The following RAI14 variants were observed in gnomAD, a reference collection of about 807,000 sequenced individuals.
RAI14 encodes the protein ankycorbin.
RAI14 carries 45 observed loss-of-function variants against 115.4 expected under a neutral mutation model. That is an observed-to-expected ratio of 0.39 (90% confidence interval 0.31 to 0.50). RAI14 has a LOEUF of 0.50. Ranked by LOEUF, RAI14 falls within the 20% of genes least tolerant of loss-of-function variation. The pLI is 0.85. For synonymous variants in RAI14, 371 were observed against 415.4 expected (o/e 0.89, Z 1.30); for missense variants, 939 against 1,131.2 (o/e 0.83, Z 2.44).
At chr5:34,737,589 C>A (rs541275383) in intron 2 of RAI14, among the ~76,000 whole-genome samples, 23 of 146,502 alleles carry the variant, frequency 1.6e-4, no homozygotes, top group African/African-American at 1.3e-4. Flanking sequence ...CTCATCTCTA[C>A]AAAAAAAAAA....
intron 2 of RAI14, among the ~76,000 whole-genome samples, chr5:34,713,165 T>G (rs1440653569): frequency 6.6e-6 from 1 of 152,170 alleles, no homozygotes; most frequent in East Asian, 1.9e-4. Context: ...CAACCTTCAT[T>G]CAGTCCCTGT....
At chr5:34,783,358 C>T (rs373606930) in intron 3 of RAI14, among the ~76,000 whole-genome samples, 12 of 152,266 alleles carry the variant, frequency 7.9e-5, no homozygotes, top group African/African-American at 2.2e-4. Flanking sequence ...GGGGGGTCCT[C>T]GGGATCCTCC....
intron 14 of RAI14, 130 bp from the exon 15 acceptor site, chr5:34,822,826 G>C (rs1253879121): frequency 1.3e-6 from 1 of 741,154 alleles, no homozygotes; most frequent in Non-Finnish European, 2.1e-6. Context: ...TGGGATCACA[G>C]GCGCCCGCCA....
At chr5:34,775,776 TG>T (rs916374573) in intron 3 of RAI14, among the ~76,000 whole-genome samples, 3 of 152,150 alleles carry the variant, frequency 2.0e-5, no homozygotes, top group African/African-American at 7.2e-5. Context: ...TAACAAATGT[TG>T]GCAAGGATAT....
intron 2 of RAI14, chr5:34,687,590 G>T: frequency 6.6e-7 from 1 of 1,510,172 alleles, no homozygotes; most frequent in Non-Finnish European, 8.9e-7. Context: ...GGTTGTACAC[G>T]ATAATATTTT....
intron 3 of RAI14, among the ~76,000 whole-genome samples, chr5:34,769,762 G>A (rs937344357): frequency 6.6e-6 from 1 of 152,204 alleles, no homozygotes; most frequent in African/African-American, 2.4e-5. Flanking sequence ...GACTCACTCG[G>A]TAGCCCAGGC....
At chr5:34,662,130 T>C (rs1211107147) in intron 1 of RAI14, among the ~76,000 whole-genome samples, 1 of 152,212 alleles carries the variant, frequency 6.6e-6, no homozygotes, top group Admixed American at 6.5e-5. Flanking sequence ...TTTGTTGGAT[T>C]GTTGCAGAGT....
intron 2 of RAI14, among the ~76,000 whole-genome samples, chr5:34,740,861 T>C (rs1474724512): frequency 6.6e-6 from 1 of 152,248 alleles, no homozygotes; most frequent in Non-Finnish European, 1.5e-5. Context: ...GTAGGAAGGC[T>C]ATAACAAATA....
At chr5:34,687,430 T>C in intron 2 of RAI14, 1 of 619,792 alleles carries the variant, frequency 1.6e-6, no homozygotes, top group South Asian at 4.2e-5. Context: ...CTGCTGCCCG[T>C]ACCTTTCCTC....
chr5:34,812,764 G>A (rs1755755663), intron 10 of RAI14, among the ~76,000 whole-genome samples: 1 of 152,160 alleles, frequency 6.6e-6, no homozygotes, highest in African/African-American at 2.4e-5. Flanking sequence ...TTTCTGAAAT[G>A]TACTAACTCA....
At position 34,665,105 on chromosome 5, in the gene RAI14, GTATATATA is replaced by G. The variant is rs200984829; in HGVS notation, c.-49+8632_-49+8639del. Among the ~76,000 whole-genome samples the G allele has an allele frequency of 5.8e-3, 197 of 33,856 alleles. 58 individuals carry two copies. The highest frequency in any genetic ancestry group is 0.016 in the African/African-American group (156 of 9,972). The allele number at this position is 33,856 out of a possible 152,430, so 22.2% of individuals were successfully genotyped here. A position where few individuals can be genotyped will look rare whatever the true frequency, so the allele number is the denominator to read the frequency against. ...TGTATATATATGTGTATATATATGT[GTATATATA>G]TGTGTATATATGTATGTGTATATAT... On this transcript the variant is annotated intron_variant, in intron 1 of 17. Coordinates refer to ENST00000265109, the MANE Select transcript of RAI14 (RefSeq NM_015577.3).
chr5:34,756,951 A>G (rs911106165), intron 2 of RAI14, among the ~76,000 whole-genome samples: 3 of 152,336 alleles, frequency 2.0e-5, no homozygotes, highest in East Asian at 1.9e-4. Context: ...ACTACTTAAA[A>G]TCAGTATCCA....
chr5:34,810,447 AATT>A (rs1755447340), intron 7 of RAI14, among the ~76,000 whole-genome samples: 1 of 152,204 alleles, frequency 6.6e-6, no homozygotes, highest in African/African-American at 2.4e-5. Flanking sequence ...GTCATGACAT[AATT>A]ATTCTTTCTA....
chr5:34,739,208 A>G (rs1310150755), intron 2 of RAI14, among the ~76,000 whole-genome samples: 2 of 152,172 alleles, frequency 1.3e-5, no homozygotes, highest in Non-Finnish European at 2.9e-5. Context: ...TTTTATAAAT[A>G]TTTGATTCAT....
intron 2 of RAI14, among the ~76,000 whole-genome samples, chr5:34,698,126 CT>C (rs1380328919): frequency 3.7e-5 from 2 of 54,502 alleles, no homozygotes; most frequent in Non-Finnish European, 7.4e-5. Context: ...TCCCCTCCCC[CT>C]CCCCTCCCCC....
chr5:34,796,756 T>G (rs964870810), intron 4 of RAI14, among the ~76,000 whole-genome samples: 1 of 152,238 alleles, frequency 6.6e-6, no homozygotes, highest in Admixed American at 6.5e-5. Flanking sequence ...CACCCCTTGC[T>G]GTACTTCAGG....
intron 2 of RAI14, chr5:34,688,108 C>A (rs1205624536): frequency 2.9e-6 from 1 of 344,376 alleles, no homozygotes; most frequent in East Asian, 3.1e-5. Flanking sequence ...GAGACTTCGA[C>A]AAAGACAGAA....
intron 2 of RAI14, among the ~76,000 whole-genome samples, chr5:34,721,503 A>C (rs13187147): frequency 0.21 from 31,191 of 151,934 alleles, 3,714 homozygotes; most frequent in Middle Eastern, 0.26. Flanking sequence ...GACCATCTAG[A>C]TTGCAGGGAA....
intron 2 of RAI14, among the ~76,000 whole-genome samples, chr5:34,737,125 A>G (rs1744971180): frequency 6.6e-6 from 1 of 152,170 alleles, no homozygotes; most frequent in African/African-American, 2.4e-5. Context: ...TCCCAAAACC[A>G]TCTCCCCCGG....
Sources: allele counts gnomAD v4.1 joint callset (sites outside exome capture counted in the v4.1 genomes callset), GRCh38; gene constraint gnomAD v4.1.1; transcripts MANE v1.5; gene names NCBI Gene and HGNC (gene_info 2026-07-23, HGNC 2026-07-21).